The following CSTF3 variants were observed in gnomAD, a reference collection of about 807,000 sequenced individuals.
CSTF3 encodes cleavage stimulation factor subunit 3.
In CSTF3, 29 loss-of-function variants were observed where a neutral mutation model predicts 105.8. The ratio of observed to expected loss-of-function variants is 0.27; its 90% CI spans 0.20 to 0.37. The LOEUF is 0.37. Among genes scored for constraint, CSTF3 ranks in the 10% least tolerant of loss-of-function variants. The pLI is 1.00. For missense variants in CSTF3, 357 were observed against 879.3 expected (o/e 0.41, Z 7.51); for synonymous variants, 252 against 281.9 (o/e 0.89, Z 1.06).
At chr11:33,115,587 GT>G (rs57501162) in intron 3 of CSTF3, among the ~76,000 whole-genome samples, 110,884 of 152,120 alleles carry the variant, frequency 0.73, 40,709 homozygotes, top group African/African-American at 0.8. Flanking sequence ...CCTACTATGT[GT>G]GACAAATAAT....
chr11:33,159,535 G>A (rs1396807896), intron 1 of CSTF3, among the ~76,000 whole-genome samples: 1 of 138,250 alleles, frequency 7.2e-6, no homozygotes, highest in African/African-American at 2.8e-5. Flanking sequence ...GGCGGAGGCT[G>A]CAGTAAGGCG....
At chr11:33,155,452 T>C (rs1252871234) in intron 1 of CSTF3, among the ~76,000 whole-genome samples, 1 of 151,928 alleles carries the variant, frequency 6.6e-6, no homozygotes, top group Non-Finnish European at 1.5e-5. Context: ...ATTATCTGCT[T>C]AGTAAACTTG....
intron 1 of CSTF3, among the ~76,000 whole-genome samples, chr11:33,143,405 G>A (rs1023499656): frequency 6.6e-6 from 1 of 152,118 alleles, no homozygotes; most frequent in Non-Finnish European, 1.5e-5. Flanking sequence ...TTGTTGTTCA[G>A]AATACTACTG....
intron 1 of CSTF3, among the ~76,000 whole-genome samples, chr11:33,155,363 C>T (rs999625125): frequency 2.3e-5 from 3 of 129,306 alleles, no homozygotes; most frequent in Non-Finnish European, 4.8e-5. Flanking sequence ...GACTCTGTCT[C>T]GAAAAAATAA....
chr11:33,150,219 T>TAAAAA (rs10714096), intron 1 of CSTF3, among the ~76,000 whole-genome samples: 962 of 103,436 alleles, frequency 9.3e-3, no homozygotes, highest in East Asian at 0.012. Context: ...TGTCTCAAAC[T>TAAAAA]AAAAAAAAAA....
chr11:33,135,413 C>A (rs186909383), intron 3 of CSTF3, among the ~76,000 whole-genome samples: 18 of 152,240 alleles, frequency 1.2e-4, no homozygotes, highest in Admixed American at 1.0e-3. Context: ...CCCTGCAAAG[C>A]CTCAATTCCC....
chr11:33,141,531 A>T, intron 3 of CSTF3, 136 bp downstream of exon 3: 1 of 1,384,318 alleles, frequency 7.2e-7, no homozygotes, highest in East Asian at 2.7e-5. Context: ...TTACTCCTTT[A>T]TACCTATTTT....
chr11:33,141,641 AAGAAAAAAT>A lies in CSTF3; in HGVS notation c.225+17_225+25del. On this transcript the variant is annotated intron_variant, in intron 3 of 20. Transcript: ENST00000323959. ...ACAGTGAATGCTGCAATACTGATAT[AAGAAAAAAT>A]AAAATAAAATAGTAACCTCTGCTTC... 6.3e-7 allele frequency: 1 copy of A among 1,595,678 alleles called. No individual in the cohort carries two copies. Among genetic ancestry groups the A allele is most frequent in the Non-Finnish European group, 8.5e-7 (1 of 1,172,650 alleles).
At chr11:33,142,077 A>G in intron 1 of CSTF3, 91 bp from the exon 2 acceptor site, 1 of 1,565,820 alleles carries the variant, frequency 6.4e-7, no homozygotes, top group Non-Finnish European at 8.7e-7. Context: ...CTCAGATGCA[A>G]TGTCACATTA....
chr11:33,151,465 C>T (rs540410343), intron 1 of CSTF3, among the ~76,000 whole-genome samples: 3 of 152,260 alleles, frequency 2.0e-5, no homozygotes, highest in South Asian at 2.1e-4. Flanking sequence ...GGATTACCAC[C>T]GTGAGCCACC....
chr11:33,085,202 A>G lies in CSTF3; in HGVS notation c.2039T>C (p.Leu680Pro). The G allele has an allele frequency of 6.2e-7, 1 of 1,613,468 alleles. No individual in the cohort carries two copies. The highest frequency in any genetic ancestry group is 1.1e-5 in the South Asian group (1 of 90,928). ...GNGPVESNAV[L>P]TKAVKRPNED... ...GTTGGGCCTTTTGACGGCCTTGGTG[A>G]GTACTGCATTACTTTCCACGGGGCC... The change falls in exon 21 of 21, where the codon CTC (leucine) becomes CCC (proline). Residue 680 changes from leucine (L) to proline (P), a missense_variant. Around this residue, in one of 4 missense-constraint regions of CSTF3, gnomAD observed 73 missense variants for 105.8 expected, o/e 0.69. Transcript: ENST00000323959.
chr11:33,120,773 TA>T (rs1353999487), intron 3 of CSTF3, among the ~76,000 whole-genome samples: 5 of 151,968 alleles, frequency 3.3e-5, no homozygotes, highest in Non-Finnish European at 7.4e-5. Flanking sequence ...ACTATTCACA[TA>T]TTCATTCAAA....
At chr11:33,111,836 T>C (rs959298008) in intron 3 of CSTF3, among the ~76,000 whole-genome samples, 2 of 152,224 alleles carry the variant, frequency 1.3e-5, no homozygotes, top group African/African-American at 4.8e-5. Context: ...CCACTGATTG[T>C]CATTCATTAA....
intron 17 of CSTF3, among the ~76,000 whole-genome samples, chr11:33,089,981 G>C (rs1160096636): frequency 6.6e-6 from 1 of 152,188 alleles, no homozygotes; most frequent in Admixed American, 6.5e-5. Flanking sequence ...TGACTCAGTA[G>C]TCTGTATAGA....
intron 3 of CSTF3, among the ~76,000 whole-genome samples, chr11:33,119,973 T>C (rs1047461017): frequency 6.6e-6 from 1 of 151,748 alleles, no homozygotes; most frequent in African/African-American, 2.4e-5. Context: ...TCATATTTAC[T>C]TAAATTCTGA....
Position 33,087,840 on chromosome 11 carries a change from A to T in CSTF3, c.1642-699T>A, listed in dbSNP as rs182024406. Reference sequence around the variant, plus strand: ...GGCAGGCCTCTCTGACCTCAAATCCATCCACAGTCTTCTTTTCAGTACACT... The same window carrying T: ...GGCAGGCCTCTCTGACCTCAAATCCTTCCACAGTCTTCTTTTCAGTACACT... On this transcript the variant is annotated intron_variant, in intron 17 of 20. Coordinates refer to ENST00000323959, the MANE Select transcript of CSTF3 (RefSeq NM_001326.3). Among the ~76,000 whole-genome samples, 15 of 152,340 alleles carry T rather than the reference A, an allele frequency of 9.8e-5. No homozygotes were observed. In the South Asian group the frequency reaches 2.5e-3, roughly 25 times the overall value.
At chr11:33,112,638 T>C (rs1047628849) in intron 3 of CSTF3, among the ~76,000 whole-genome samples, 1 of 152,230 alleles carries the variant, frequency 6.6e-6, no homozygotes, top group Non-Finnish European at 1.5e-5. Flanking sequence ...TTGGTGAGAC[T>C]AGCACACCAA....
chr11:33,151,159 T>C (rs1339063396), intron 1 of CSTF3, among the ~76,000 whole-genome samples: 3 of 152,160 alleles, frequency 2.0e-5, no homozygotes, highest in Non-Finnish European at 4.4e-5. Flanking sequence ...CCATATTTAA[T>C]GTAATCATAC....
chr11:33,154,887 G>A (rs1342223021), intron 1 of CSTF3, among the ~76,000 whole-genome samples: 2 of 152,042 alleles, frequency 1.3e-5, no homozygotes, highest in Admixed American at 6.6e-5. Context: ...CAATGAGACC[G>A]GATATTAGGA....
Sources: gnomAD v4.1 joint callset for allele counts (sites outside exome capture counted in the v4.1 genomes callset) on GRCh38, gnomAD v4.1.1 for gene constraint, gnomAD v4.1.1 regional missense constraint, MANE v1.5 for transcripts, NCBI Gene and HGNC (gene_info 2026-07-23, HGNC 2026-07-21) for gene names.